Variants in ZNF207 observed in about 807,000 individuals in gnomAD.
ZNF207 encodes BUB3-interacting and GLEBS motif-containing protein ZNF207.
A neutral mutation model predicts 60.2 loss-of-function variants in ZNF207; 24 were observed. The ratio of observed to expected loss-of-function variants is 0.40; its 90% CI spans 0.29 to 0.56. The LOEUF (loss-of-function observed/expected upper bound fraction) is 0.56. Among genes scored for constraint, ZNF207 ranks in the 20% least tolerant of loss-of-function variants. The pLI is 0.49. For missense variants in ZNF207, 452 were observed against 636.6 expected (o/e 0.71, Z 3.12); for synonymous variants, 236 against 194.7 (o/e 1.21, Z -1.77).
chr17:32,374,798 C>T lies in ZNF207; in HGVS notation c.*5039C>T, dbSNP rs1449664629. 1 of 152,160 alleles carries T rather than the reference C, an allele frequency of 6.6e-6. No homozygotes were observed. The highest frequency in any genetic ancestry group is 2.4e-5 in the African/African-American group (1 of 41,432). The allele number at this position is 152,160 out of a possible 1,614,324, so 9.4% of individuals were successfully genotyped here. On this transcript the variant is annotated 3_prime_UTR_variant, in exon 12 of 12. Transcript: ENST00000394670. Reference sequence around the variant, plus strand: ...CGAAACTGAAATTTGATACCTGATCCTGTGGTAAAGTATGTTAAACTATGG... The same window carrying T: ...CGAAACTGAAATTTGATACCTGATCTTGTGGTAAAGTATGTTAAACTATGG...
intron 2 of ZNF207, among the ~76,000 whole-genome samples, chr17:32,357,724 C>T (rs1904632346): frequency 1.3e-5 from 2 of 152,092 alleles, no homozygotes; most frequent in Admixed American, 1.3e-4. Flanking sequence ...CAACCTCTGC[C>T]TCCCAGGTTC....
rs1371219093 is a variant in ZNF207 at position 32,372,326 on chromosome 17, T to G, written c.*2567T>G. ...AAAAAAAAAAATGCTGTGATTAAATTTAGAATAATTAAGTAAGGGGTGCTC... is the reference window on the plus strand; with the variant it reads ...AAAAAAAAAAATGCTGTGATTAAATGTAGAATAATTAAGTAAGGGGTGCTC... On this transcript the variant is annotated 3_prime_UTR_variant, in exon 12 of 12. Coordinates refer to ENST00000394670, the MANE Select transcript of ZNF207 (RefSeq NM_001098507.2). 2 of 152,104 alleles carry G rather than the reference T, an allele frequency of 1.3e-5. No homozygotes were observed. Among genetic ancestry groups the G allele is most frequent in the Non-Finnish European group, 2.9e-5 (2 of 68,004 alleles). 9.4% of individuals were successfully genotyped at this position (152,104 alleles called of 1,614,324 possible). A position where few individuals can be genotyped will look rare whatever the true frequency, so the allele number is the denominator to read the frequency against.
rs2150805278 is a variant in ZNF207 at position 32,371,255 on chromosome 17, A to G, written c.*1496A>G. ...AAGTTAAGACTTCTAAGAAAATGGT[A>G]ACATTTCTTTATAACTTTCCTGTGA... On this transcript the variant is annotated 3_prime_UTR_variant, in exon 12 of 12. Coordinates refer to ENST00000394670, the MANE Select transcript of ZNF207 (RefSeq NM_001098507.2). The G allele has an allele frequency of 6.6e-6, 1 of 152,346 alleles. No homozygotes were observed. Among genetic ancestry groups the G allele is most frequent in the Admixed American group, 6.5e-5 (1 of 15,304 alleles). 9.4% of individuals were successfully genotyped at this position (152,346 alleles called of 1,614,324 possible). A position where few individuals can be genotyped will look rare whatever the true frequency, so the allele number is the denominator to read the frequency against.
intron 7 of ZNF207, 27 bp downstream of exon 7, chr17:32,363,011 T>A: frequency 1.3e-6 from 2 of 1,599,836 alleles, no homozygotes; most frequent in Non-Finnish European, 1.7e-6. Flanking sequence ...TTCATTTTAA[T>A]ATGATGTACA....
Position 32,362,952 on chromosome 17 carries a change from G to A in ZNF207, c.638G>A (p.Gly213Glu). ...GGTGGAATGATGCCACCTGGACCAG[G>A]AATACCACCTCTGATGCCTGGAATG... ...PMGGMMPPGP[G>E]IPPLMPGMPP... The change falls in exon 7 of 12, where the codon GGA becomes GAA. Residue 213 changes from glycine to glutamate, a missense_variant. This residue lies in a region of ZNF207 where 390 missense variants were observed against 461.4 expected (regional missense o/e 0.85). Transcript: ENST00000394670. 1 of 1,613,310 alleles carries A rather than the reference G, an allele frequency of 6.2e-7. No homozygotes were observed. The highest frequency in any genetic ancestry group is 8.5e-7 in the Non-Finnish European group (1 of 1,179,968).
rs1460474965 is a variant in ZNF207, at chr17:32,376,332, C to T, written c.*6573C>T. 1 of 151,926 alleles carries T rather than the reference C, an allele frequency of 6.6e-6. No homozygotes were observed. The highest frequency in any genetic ancestry group is 2.4e-5 in the African/African-American group (1 of 41,386). The allele number at this position is 151,926 out of a possible 1,614,324, so 9.4% of individuals were successfully genotyped here. On this transcript the variant is annotated 3_prime_UTR_variant, in exon 12 of 12. Transcript: ENST00000394670. Reference sequence around the variant, plus strand: ...GAAAATAGATTACGTTTTAAAGTAACATTAAAAAAATTCTTCAGTAAGATA... The same window carrying T: ...GAAAATAGATTACGTTTTAAAGTAATATTAAAAAAATTCTTCAGTAAGATA...
intron 1 of ZNF207, chr17:32,351,497 A>C: frequency 6.7e-7 from 1 of 1,488,062 alleles, no homozygotes; most frequent in Non-Finnish European, 8.9e-7. Flanking sequence ...TATTTATAAC[A>C]AAAGTTTCAC....
At chr17:32,352,050 C>T (rs1029249871) in intron 2 of ZNF207, 138 bp downstream of exon 2, 5 of 763,860 alleles carry the variant, frequency 6.5e-6, no homozygotes, top group African/African-American at 3.6e-5. Context: ...CCACTGCAAC[C>T]TCTGCCTCTC....
chr17:32,358,734 A>G (rs1194842584), intron 3 of ZNF207, 93 bp downstream of exon 3: 1 of 1,011,906 alleles, frequency 9.9e-7, no homozygotes, highest in Non-Finnish European at 1.3e-6. Flanking sequence ...CCGAGGCTGG[A>G]GTACAGTGGT....
intron 2 of ZNF207, among the ~76,000 whole-genome samples, chr17:32,357,704 G>A (rs1247202471): frequency 6.6e-6 from 1 of 151,554 alleles, no homozygotes; most frequent in African/African-American, 2.4e-5. Context: ...CCAGGCTGGA[G>A]TGCTCACTGC....
At chr17:32,359,244 C>T (rs1056436489) in intron 3 of ZNF207, among the ~76,000 whole-genome samples, 3 of 152,056 alleles carry the variant, frequency 2.0e-5, no homozygotes, top group African/African-American at 7.2e-5. Context: ...TTCGGAGTAG[C>T]TGGGATTAGA....
intron 10 of ZNF207, chr17:32,368,261 G>A (rs1229906692): frequency 5.7e-6 from 3 of 523,912 alleles, no homozygotes; most frequent in Non-Finnish European, 1.0e-5. Flanking sequence ...AAGACAGTAA[G>A]TCAGGTTCTT....
chr17:32,378,528 A>G lies in ZNF207; in HGVS notation c.*8769A>G, dbSNP rs1260522705. The G allele has an allele frequency of 6.6e-6, 1 of 152,008 alleles. No individual in the cohort carries two copies. The highest frequency in any genetic ancestry group is 2.1e-4 in the South Asian group (1 of 4,824). The allele number at this position is 152,008 out of a possible 1,614,324, so 9.4% of individuals were successfully genotyped here. On this transcript the variant is annotated 3_prime_UTR_variant, in exon 12 of 12. Transcript: ENST00000394670. Reference sequence around the variant, plus strand: ...GTTCTTTTTTTGTAAACTATAACGTATCCCGTTGGTGTACCAGTGAGTTCA... The same window carrying G: ...GTTCTTTTTTTGTAAACTATAACGTGTCCCGTTGGTGTACCAGTGAGTTCA...
rs905539380 is a variant in ZNF207 at position 32,351,578 on chromosome 17, G to A, written c.42-208G>A. ...TTATTGAGATGTGTTTTTTGGGGTG[G>A]TGAAGAGAGCTGGCCTTCTAGGAAA... On this transcript the variant is annotated intron_variant, in intron 1 of 11. Transcript: ENST00000394670. 2.0e-6 allele frequency: 3 copies of A among 1,533,730 alleles called. No homozygotes were observed. The African/African-American group carries it at 4.1e-5, about 21-fold the overall frequency.
chr17:32,379,117 T>G lies in ZNF207; in HGVS notation c.*9358T>G, dbSNP rs1176646656. 1.3e-5 allele frequency: 2 copies of G among 152,144 alleles called. No individual in the cohort carries two copies. Among genetic ancestry groups the G allele is most frequent in the Non-Finnish European group, 1.5e-5 (1 of 67,952 alleles). 9.4% of individuals were successfully genotyped at this position (152,144 alleles called of 1,614,324 possible). On this transcript the variant is annotated 3_prime_UTR_variant, in exon 12 of 12. Transcript: ENST00000394670. ...GTAAAATTGCACAAGGGCTTAAGTT[T>G]CATTGCCTTTCACAGTTTAATCTGT...
chr17:32,368,312 TATGTTAATTGAATAAACGTTA>T lies in ZNF207; in HGVS notation c.1164+300_1164+320del, dbSNP rs561070270. On this transcript the variant is annotated intron_variant, in intron 10 of 11. Transcript: ENST00000394670. ...CATTTTAGTTAAACATAAGTTTGCA[TATGTTAATTGAATAAACGTTA>T]AGTGTGAAGTAGAATCTGCAGATCC... 35 of 367,800 alleles carry T rather than the reference TATGTTAATTGAATAAACGTTA, an allele frequency of 9.5e-5. No homozygotes were observed. The South Asian group carries it at 1.1e-3, about 11-fold the overall frequency. 22.8% of individuals were successfully genotyped at this position (367,800 alleles called of 1,614,324 possible).
chr17:32,350,255 C>T lies in ZNF207; in HGVS notation c.-31C>T, dbSNP rs2041476931. The T allele has an allele frequency of 1.2e-6, 2 of 1,613,844 alleles. No homozygotes were observed. The highest frequency in any genetic ancestry group is 1.3e-5 in the African/African-American group (1 of 74,918). ...CCTCGTTTCTCCTGCTTCTTTTCTC[C>T]TCCCTTTTACTTTGCCGGTAGAACA... On this transcript the variant is annotated 5_prime_UTR_variant, in exon 1 of 12. Coordinates refer to ENST00000394670, the MANE Select transcript of ZNF207 (RefSeq NM_001098507.2).
In ZNF207 at chr17:32,358,593, GAA is replaced by G; in HGVS notation, c.263_264del (p.Lys88ArgfsTer4). 6.5e-7 allele frequency: 1 copy of G among 1,540,980 alleles called. No individual in the cohort carries two copies. Among genetic ancestry groups the G allele is most frequent in the Non-Finnish European group, 8.7e-7 (1 of 1,151,100 alleles). ...AATATATGGTATGGAAGGTATTCCAGAAAAAGACATGGATGAAAGACGACGAC... is the reference window on the plus strand; with the variant it reads ...AATATATGGTATGGAAGGTATTCCAGAAAGACATGGATGAAAGACGACGAC... Reference protein sequence around the residue: ...LEIYGMEGIPEKDMDERRRLL... With the variant: ...LEIYGMEGIPXKDMDERRRLL... On this transcript the variant is annotated frameshift_variant, in exon 3 of 12. Transcript: ENST00000394670. LOFTEE classifies it high-confidence loss of function.
chr17:32,369,436 C>A lies in ZNF207; in HGVS notation c.1306C>A (p.Pro436Thr), dbSNP rs780858194. ...CATCCCACAGCAACAAGGAATGAGA[C>A]CCCCAATGCCACCTCATGGTATTCC... Reference protein sequence around the residue: ...PGIPQQQGMRPPMPPHGQYGG... With the variant: ...PGIPQQQGMRTPMPPHGQYGG... Residue 436 changes from proline to threonine, a missense_variant, in exon 11 of 12, where the codon CCC becomes ACC. Physicochemically the swap from Pro to Thr is conservative, Grantham distance 38 (BLOSUM62 -1). This residue lies in a region of ZNF207 where 390 missense variants were observed against 461.4 expected (regional missense o/e 0.85). Coordinates refer to ENST00000394670, the MANE Select transcript of ZNF207 (RefSeq NM_001098507.2). The A allele has an allele frequency of 3.1e-6, 5 of 1,614,086 alleles. No individual in the cohort carries two copies. Among genetic ancestry groups the A allele is most frequent in the African/African-American group, 1.3e-5 (1 of 75,018 alleles).
Sources: allele counts gnomAD v4.1 joint callset (sites outside exome capture counted in the v4.1 genomes callset), GRCh38; gene constraint gnomAD v4.1.1; regional missense constraint gnomAD v4.1.1; transcripts MANE v1.5; gene names NCBI Gene and HGNC (gene_info 2026-07-23, HGNC 2026-07-21).